The following NKX2-8 variants were observed in gnomAD, a reference collection of about 807,000 sequenced individuals.
NKX2-8 encodes homeobox protein Nkx-2.8.
NKX2-8 carries 8 observed loss-of-function variants against 6.4 expected under a neutral mutation model. That is an observed-to-expected ratio of 1.24 (90% CI 0.73 to 2.24). The LOEUF is 2.24. NKX2-8 is among the 30% of genes most tolerant of loss of function. The pLI is 0.00. For synonymous variants in NKX2-8, 216 were observed against 171.5 expected, an observed-to-expected ratio of 1.26 and a Z score of -2.03; for missense variants, 406 against 351.1, an observed-to-expected ratio of 1.16 and a Z score of -1.25.
chr14:36,580,391 T>A lies in NKX2-8; in HGVS notation c.*511A>T, dbSNP rs177325. On this transcript the variant is annotated 3_prime_UTR_variant, in exon 2 of 2. Coordinates refer to ENST00000258829, the MANE Select transcript of NKX2-8 (RefSeq NM_014360.4). The stretch of plus-strand genomic sequence containing the variant: ...CAACCCTGACATCACCACCCCTCCA[T>A]CCCCCAGGTATCTTCCTAAAGCCGT... 0.062 allele frequency among the ~76,000 whole-genome samples: 9,413 copies of A among 151,556 alleles called. 854 individuals are homozygous for A. Among genetic ancestry groups the A allele is most frequent in the African/African-American group, 0.2 (8,345 of 41,276 alleles).
Position 36,581,918 on chromosome 14 carries a change from G to T in NKX2-8, c.157+315C>A, listed in dbSNP as rs1400242560. On this transcript the variant is annotated intron_variant, in intron 1 of 1. Transcript: ENST00000258829. The surrounding 1 kb of genome is among the most constrained non-coding windows in gnomAD (Gnocchi z 5.6). Reference sequence around the variant, plus strand: ...GTGGCCGTGTTTTCAGGCATGGAGAGGGGGCGGGGGGTGGGGTGGGGGCGG... The same window carrying T: ...GTGGCCGTGTTTTCAGGCATGGAGATGGGGCGGGGGGTGGGGTGGGGGCGG... Among the ~76,000 whole-genome samples the T allele has an allele frequency of 1.3e-5, 2 of 150,980 alleles. No homozygotes were observed. Among genetic ancestry groups the T allele is most frequent in the Non-Finnish European group, 3.0e-5 (2 of 67,656 alleles).
rs1472557194 is a variant in NKX2-8 at position 36,580,216 on chromosome 14, G to A, written c.*686C>T. On this transcript the variant is annotated 3_prime_UTR_variant, in exon 2 of 2. Coordinates refer to ENST00000258829, the MANE Select transcript of NKX2-8 (RefSeq NM_014360.4). ...GGAGAAACTCCTTCTGCCCTGTCGTGGTCCACAGGGTTGACTTTTCGGTAT... is the reference window on the plus strand; with the variant it reads ...GGAGAAACTCCTTCTGCCCTGTCGTAGTCCACAGGGTTGACTTTTCGGTAT... 6.6e-6 allele frequency among the ~76,000 whole-genome samples: 1 copy of A among 152,160 alleles called. No individual in the cohort carries two copies. The highest frequency in any genetic ancestry group is 1.5e-5 in the Non-Finnish European group (1 of 68,026).
Position 36,582,279 on chromosome 14 carries a change from G to T in NKX2-8, c.111C>A (p.Pro37=). 6.2e-7 allele frequency: 1 copy of T among 1,608,566 alleles called. No individual in the cohort carries two copies. The highest frequency in any genetic ancestry group is 8.5e-7 in the Non-Finnish European group (1 of 1,177,352). ...RREPEPRAPQ[P]DPCAAWLDSE... ...AATCCAGCCAGGCGGCGCAGGGGTC[G>T]GGCTGGGGGGCGCGTGGTTCTGGCT... Residue 37 remains proline (P), a synonymous_variant, in exon 1 of 2, where the codon CCC becomes CCA. Coordinates refer to ENST00000258829, the MANE Select transcript of NKX2-8 (RefSeq NM_014360.4).
rs900258834 is a variant in NKX2-8 at position 36,581,131 on chromosome 14, C to T, written c.491G>A (p.Gly164Asp). 2 of 1,522,806 alleles carry T rather than the reference C, an allele frequency of 1.3e-6. No individual in the cohort carries two copies. Among genetic ancestry groups the T allele is most frequent in the East Asian group, 4.9e-5 (2 of 40,444 alleles). The allele number at this position is 1,522,806 out of a possible 1,614,324, so 94.3% of individuals were successfully genotyped here. The change falls in exon 2 of 2, where the codon GGC (glycine) becomes GAC (aspartate). Residue 164 changes from glycine (G) to aspartate (D), a missense_variant. Physicochemically the swap from Gly to Asp is moderately conservative, Grantham distance 94. Coordinates refer to ENST00000258829, the MANE Select transcript of NKX2-8 (RefSeq NM_014360.4). This position sits in a 1 kb window ranked among gnomAD's most constrained non-coding sequence, Gnocchi z 5.6. The stretch of plus-strand genomic sequence containing the variant: ...CGGCACCACCACGCGACGCAGCAGG[C>T]CGGGCGCGGCGTGCAGCTCGGCGGA... Reference protein sequence around the residue: ...AASAELHAAPGLLRRVVVPVL... With the variant: ...AASAELHAAPDLLRRVVVPVL...
In NKX2-8 at chr14:36,581,109, C is replaced by T; in HGVS notation, c.513G>A (p.Val171=). ...GCTGCCCGTCGCGAACAAGCACCGGCACCACCACGCGACGCAGCAGGCCGG... is the reference window on the plus strand; with the variant it reads ...GCTGCCCGTCGCGAACAAGCACCGGTACCACCACGCGACGCAGCAGGCCGG... ...AAPGLLRRVV[V]PVLVRDGQPC... is the part of the protein sequence containing the mutation. Residue 171 remains valine, a synonymous_variant, in exon 2 of 2, where the codon GTG becomes GTA. Coordinates refer to ENST00000258829, the MANE Select transcript of NKX2-8 (RefSeq NM_014360.4). This position sits in a 1 kb window ranked among gnomAD's most constrained non-coding sequence, Gnocchi z 5.6. 1 of 1,460,528 alleles carries T rather than the reference C, an allele frequency of 6.8e-7. No homozygotes were observed. Among genetic ancestry groups the T allele is most frequent in the Non-Finnish European group, 8.9e-7 (1 of 1,118,536 alleles). 90.5% of individuals were successfully genotyped at this position (1,460,528 alleles called of 1,614,324 possible). A position where few individuals can be genotyped will look rare whatever the true frequency, so the allele number is the denominator to read the frequency against.
Position 36,580,800 on chromosome 14 carries a change from G to C in NKX2-8, c.*102C>G, listed in dbSNP as rs1428457469. ...TGGCGCCCAAGGAGATGGGGCTGCA[G>C]GGAGGCGGACGGAGAGCGTTCCAGG... is the stretch of plus-strand genomic sequence containing the variant. On this transcript the variant is annotated 3_prime_UTR_variant, in exon 2 of 2. Transcript: ENST00000258829. 61 of 879,968 alleles carry C rather than the reference G, an allele frequency of 6.9e-5. No homozygotes were observed. Among genetic ancestry groups the C allele is most frequent in the Non-Finnish European group, 8.9e-5 (59 of 664,706 alleles). The allele number at this position is 879,968 out of a possible 1,614,324, so 54.5% of individuals were successfully genotyped here.
chr14:36,581,176 T>G lies in NKX2-8; in HGVS notation c.446A>C (p.Glu149Ala), dbSNP rs778152346. Residue 149 changes from glutamate to alanine, a missense_variant, in exon 2 of 2, where the codon GAG (glutamate) becomes GCG (alanine). By Grantham distance (107) the Glu-to-Ala change is moderately radical. Transcript: ENST00000258829. This position sits in a 1 kb window ranked among gnomAD's most constrained non-coding sequence, Gnocchi z 5.6. Reference protein sequence around the residue: ...LKRARAPGAAESPDLAASAEL... With the variant: ...LKRARAPGAAASPDLAASAEL... ...GGCGGATGCTGCCAGGTCAGGCGAC[T>G]CCGCCGCCCCTGGAGCGCGAGCGCG... The G allele has an allele frequency of 1.1e-5, 17 of 1,599,080 alleles. No homozygotes were observed. The highest frequency in any genetic ancestry group is 1.4e-5 in the Non-Finnish European group (16 of 1,176,354).
chr14:36,581,361 C>T lies in NKX2-8; in HGVS notation c.261G>A (p.Arg87=), dbSNP rs747958142. 6.3e-7 allele frequency: 1 copy of T among 1,586,252 alleles called. No homozygotes were observed. The highest frequency in any genetic ancestry group is 8.6e-7 in the Non-Finnish European group (1 of 1,166,460). Residue 87 remains arginine, a synonymous_variant, in exon 2 of 2, where the codon CGG becomes CGA. Coordinates refer to ENST00000258829, the MANE Select transcript of NKX2-8 (RefSeq NM_014360.4). The surrounding 1 kb of genome is among the most constrained non-coding windows in gnomAD (Gnocchi z 5.6). ...TCTGCGCCTTGGAGAATAGCACCCG[C>T]CGCTTCTTCCTTTTCTCGGCGTCCG... is the stretch of plus-strand genomic sequence containing the variant. ...PGSDAEKRKK[R]RVLFSKAQTL...
chr14:36,580,965 C>T lies in NKX2-8; in HGVS notation c.657G>A (p.Ala219=). 1 of 1,350,456 alleles carries T rather than the reference C, an allele frequency of 7.4e-7. No homozygotes were observed. Among genetic ancestry groups the T allele is most frequent in the Non-Finnish European group, 9.4e-7 (1 of 1,060,566 alleles). 83.7% of individuals were successfully genotyped at this position (1,350,456 alleles called of 1,614,324 possible). ...GCTGGTAGGCGGGGAAGAGGCCAAG[C>T]GCCGAGCCGGGACCGAAGGCAGGGT... is the stretch of plus-strand genomic sequence containing the variant. ...PGYPAFGPGS[A]LGLFPAYQHL... Residue 219 remains alanine (A), a synonymous_variant, in exon 2 of 2, where the codon GCG becomes GCA. Coordinates refer to ENST00000258829, the MANE Select transcript of NKX2-8 (RefSeq NM_014360.4).
At position 36,581,462 on chromosome 14, in the gene NKX2-8, A is replaced by T. The variant is rs1383791151; in HGVS notation, c.160T>A (p.Ser54Thr). The change falls in exon 2 of 2, where the codon TCG becomes ACG. Residue 54 changes from serine to threonine, a missense_variant and splice_region_variant. By Grantham distance (58) the Ser-to-Thr change is moderately conservative. Coordinates refer to ENST00000258829, the MANE Select transcript of NKX2-8 (RefSeq NM_014360.4). The surrounding 1 kb of genome is among the most constrained non-coding windows in gnomAD (Gnocchi z 5.6). ...LDSERGHYPS[S>T]DESSLETSPP... ...CTGGTCTCCAGGCTGCTCTCGTCCG[A>T]GGCTAGGGACAGCAAAGGAGACACG... 6.4e-7 allele frequency: 1 copy of T among 1,552,634 alleles called. No homozygotes were observed. Among genetic ancestry groups the T allele is most frequent in the Non-Finnish European group, 8.7e-7 (1 of 1,152,934 alleles).
rs35669843 is a variant in NKX2-8 at position 36,582,429 on chromosome 14, G to C, written c.-40C>G. On this transcript the variant is annotated 5_prime_UTR_variant, in exon 1 of 2. Transcript: ENST00000258829. ...AGGAGGCGGGGGCAGGGCAGGCTGG[G>C]AACGGAGGGGCGGCCGGGACGCCGC... 488,417 of 1,430,260 alleles carry C rather than the reference G, an allele frequency of 0.34. 87,325 individuals carry two copies. Among genetic ancestry groups the C allele is most frequent in the Non-Finnish European group, 0.37 (400,164 of 1,084,024 alleles). The allele number at this position is 1,430,260 out of a possible 1,614,324, so 88.6% of individuals were successfully genotyped here.
At position 36,582,485 on chromosome 14, in the gene NKX2-8, A is replaced by T. The variant is rs1042149315; in HGVS notation, c.-96T>A. 8.2e-7 allele frequency: 1 copy of T among 1,213,776 alleles called. No individual in the cohort carries two copies. Among genetic ancestry groups the T allele is most frequent in the Non-Finnish European group, 1.1e-6 (1 of 892,272 alleles). 75.2% of individuals were successfully genotyped at this position (1,213,776 alleles called of 1,614,324 possible). On this transcript the variant is annotated 5_prime_UTR_variant, in exon 1 of 2. An upstream start codon of the reference 5' UTR is lost. Transcript: ENST00000258829. ...CGGATGGGCGTGGGAGGCGCTCGCC[A>T]TGCGCTGGCAGCCGGGATATTAGCG...
Position 36,581,850 on chromosome 14 carries a change from A to C in NKX2-8, c.157+383T>G, listed in dbSNP as rs1879253979. Among the ~76,000 whole-genome samples, 1 of 143,110 alleles carries C rather than the reference A, an allele frequency of 7.0e-6. No homozygotes were observed. Among genetic ancestry groups the C allele is most frequent in the South Asian group, 2.5e-4 (1 of 4,036 alleles). The allele number at this position is 143,110 out of a possible 152,430, so 93.9% of individuals were successfully genotyped here. ...CCCTGAGTGGGAACGGGGTGGGGGT[A>C]AACTCGCCAACACTGGCCATCCCAG... On this transcript the variant is annotated intron_variant, in intron 1 of 1. Coordinates refer to ENST00000258829, the MANE Select transcript of NKX2-8 (RefSeq NM_014360.4). This position sits in a 1 kb window ranked among gnomAD's most constrained non-coding sequence, Gnocchi z 5.6.
Position 36,581,570 on chromosome 14 carries a change from T to C in NKX2-8, c.158-106A>G. ...GGCACTGGCCAGAGGGCACGCCCAC[T>C]AGCCCGAGACTTTCGGGATGAGGCC... On this transcript the variant is annotated intron_variant, in intron 1 of 1. Transcript: ENST00000258829. This position sits in a 1 kb window ranked among gnomAD's most constrained non-coding sequence, Gnocchi z 5.6. The C allele has an allele frequency of 1.0e-6, 1 of 991,090 alleles. No individual in the cohort carries two copies. Among genetic ancestry groups the C allele is most frequent in the Non-Finnish European group, 1.5e-6 (1 of 685,646 alleles). The allele number at this position is 991,090 out of a possible 1,614,324, so 61.4% of individuals were successfully genotyped here. A position where few individuals can be genotyped will look rare whatever the true frequency, so the allele number is the denominator to read the frequency against.
Position 36,581,460 on chromosome 14 carries a change from C to A in NKX2-8, c.162G>T (p.Ser54=), listed in dbSNP as rs1237293553. 6.4e-7 allele frequency: 1 copy of A among 1,558,030 alleles called. No individual in the cohort carries two copies. The highest frequency in any genetic ancestry group is 8.7e-7 in the Non-Finnish European group (1 of 1,154,944). Residue 54 remains serine, a synonymous_variant, in exon 2 of 2, where the codon TCG becomes TCT. Coordinates refer to ENST00000258829, the MANE Select transcript of NKX2-8 (RefSeq NM_014360.4). This position sits in a 1 kb window ranked among gnomAD's most constrained non-coding sequence, Gnocchi z 5.6. ...LDSERGHYPS[S]DESSLETSPP... is the part of the protein sequence containing the mutation. ...GGCTGGTCTCCAGGCTGCTCTCGTC[C>A]GAGGCTAGGGACAGCAAAGGAGACA...
rs760853220 is a variant in NKX2-8 at position 36,581,441 on chromosome 14, T to A, written c.181A>T (p.Thr61Ser). The A allele has an allele frequency of 1.1e-5, 18 of 1,574,818 alleles. No individual in the cohort carries two copies. The highest frequency in any genetic ancestry group is 8.9e-5 in the Admixed American group (5 of 56,074). ...CGCTGCGACGAGTCTGGCGGGCTGGTCTCCAGGCTGCTCTCGTCCGAGGCT... is the reference window on the plus strand; with the variant it reads ...CGCTGCGACGAGTCTGGCGGGCTGGACTCCAGGCTGCTCTCGTCCGAGGCT... The part of the protein sequence containing the change: ...YPSSDESSLE[T>S]SPPDSSQRPS... The change falls in exon 2 of 2, where the codon ACC becomes TCC. Residue 61 changes from threonine (T) to serine (S), a missense_variant. Transcript: ENST00000258829. The surrounding 1 kb of genome is among the most constrained non-coding windows in gnomAD (Gnocchi z 5.6).
In NKX2-8 at chr14:36,580,587, A is replaced by C; in HGVS notation, c.*315T>G. The stretch of plus-strand genomic sequence containing the variant: ...ACATTTTATTCTCGAACTACGAGGA[A>C]AAATACTCTATTTTTTAAAAAAATA... On this transcript the variant is annotated 3_prime_UTR_variant, in exon 2 of 2. Transcript: ENST00000258829. 8.2e-6 allele frequency: 2 copies of C among 244,536 alleles called. No homozygotes were observed. The highest frequency in any genetic ancestry group is 7.8e-6 in the Non-Finnish European group (1 of 128,528). The allele number at this position is 244,536 out of a possible 1,614,324, so 15.1% of individuals were successfully genotyped here. A position where few individuals can be genotyped will look rare whatever the true frequency, so the allele number is the denominator to read the frequency against.
In NKX2-8 at chr14:36,582,433, G is replaced by T. The variant is rs769360927; in HGVS notation, c.-44C>A. 2.8e-6 allele frequency: 4 copies of T among 1,428,952 alleles called. No homozygotes were observed. Among genetic ancestry groups the T allele is most frequent in the Non-Finnish European group, 3.7e-6 (4 of 1,083,678 alleles). 88.5% of individuals were successfully genotyped at this position (1,428,952 alleles called of 1,614,324 possible). On this transcript the variant is annotated 5_prime_UTR_variant, in exon 1 of 2. Coordinates refer to ENST00000258829, the MANE Select transcript of NKX2-8 (RefSeq NM_014360.4). Reference sequence around the variant, plus strand: ...GGCGGGGGCAGGGCAGGCTGGGAACGGAGGGGCGGCCGGGACGCCGCTCCT... The same window carrying T: ...GGCGGGGGCAGGGCAGGCTGGGAACTGAGGGGCGGCCGGGACGCCGCTCCT...
chr14:36,580,937 A>C lies in NKX2-8; in HGVS notation c.685T>G (p.Leu229Val). Residue 229 changes from leucine to valine, a missense_variant, in exon 2 of 2, where the codon TTA becomes GTA. By Grantham distance (32) the Leu-to-Val change is conservative. Coordinates refer to ENST00000258829, the MANE Select transcript of NKX2-8 (RefSeq NM_014360.4). ...CAGGAGACCAGGGCGGGGGATGCTAAGTGCTGGTAGGCGGGGAAGAGGCCA... is the reference window on the plus strand; with the variant it reads ...CAGGAGACCAGGGCGGGGGATGCTACGTGCTGGTAGGCGGGGAAGAGGCCA... ...ALGLFPAYQH[L>V]ASPALVSWNW 1 of 1,337,976 alleles carries C rather than the reference A, an allele frequency of 7.5e-7. No individual in the cohort carries two copies. Among genetic ancestry groups the C allele is most frequent in the East Asian group, 2.8e-5 (1 of 35,094 alleles). 82.9% of individuals were successfully genotyped at this position (1,337,976 alleles called of 1,614,324 possible).
Sources: allele counts gnomAD v4.1 joint callset (sites outside exome capture counted in the v4.1 genomes callset), GRCh38; gene constraint gnomAD v4.1.1; non-coding constraint Gnocchi (gnomAD v3.1); transcripts MANE v1.5; gene names NCBI Gene and HGNC (gene_info 2026-07-23, HGNC 2026-07-21).